The following FANCC variants were observed in gnomAD, a reference collection of about 807,000 sequenced individuals.
FANCC encodes FA complementation group C.
Under a neutral mutation model 71.3 loss-of-function variants are expected in FANCC, and 55 were observed. That is an observed-to-expected ratio of 0.77 (90% CI 0.62 to 0.97). FANCC has a LOEUF of 0.97. Ranked by LOEUF, FANCC falls within the 50% of genes least tolerant of loss-of-function variation. The pLI, the probability that FANCC is intolerant of heterozygous loss-of-function variation, is 0.00. For synonymous variants in FANCC, 275 were observed against 244.9 expected (o/e 1.12, Z -1.15); for missense variants, 678 against 670.9 (o/e 1.01, Z -0.12).
chr9:95,264,246 C>T (rs115424551), intron 1 of FANCC, among the ~76,000 whole-genome samples: 81 of 152,260 alleles, frequency 5.3e-4, no homozygotes, highest in African/African-American at 1.9e-3. Context: ...TTGAAACCCA[C>T]AAACTCACAC....
intron 10 of FANCC, chr9:95,123,825 G>A (rs1299139996): frequency 1.5e-6 from 1 of 674,488 alleles, no homozygotes; most frequent in Non-Finnish European, 2.8e-6. Context: ...CTCCAATTTA[G>A]ACCTGCGGAT....
intron 3 of FANCC, among the ~76,000 whole-genome samples, chr9:95,242,725 C>G (rs1386382547): frequency 6.6e-6 from 1 of 152,158 alleles, no homozygotes; most frequent in Non-Finnish European, 1.5e-5. Flanking sequence ...TGCCCAGAGT[C>G]AATGCACTGA....
chr9:95,101,683 G>A lies in FANCC; in HGVS notation c.*24C>T, dbSNP rs774109877. On this transcript the variant is annotated 3_prime_UTR_variant, in exon 15 of 15. Coordinates refer to ENST00000289081, the MANE Select transcript of FANCC (RefSeq NM_000136.3). ...TGGCGAGCCTGATCCCTCACGCCGGGCACCCACACGGCCTGCGTGCCTTCT... is the reference window on the plus strand; with the variant it reads ...TGGCGAGCCTGATCCCTCACGCCGGACACCCACACGGCCTGCGTGCCTTCT... 2.0e-5 allele frequency: 33 copies of A among 1,612,720 alleles called. 1 individual carries two copies. In the South Asian group the frequency reaches 3.4e-4, roughly 17 times the overall value.
At chr9:95,221,148 G>A (rs1010603665) in intron 4 of FANCC, among the ~76,000 whole-genome samples, 9 of 152,140 alleles carry the variant, frequency 5.9e-5, no homozygotes, top group South Asian at 4.2e-4. Context: ...CAGGGGAATC[G>A]CTTGAACCCG....
intron 6 of FANCC, among the ~76,000 whole-genome samples, chr9:95,168,409 G>A (rs1825445185): frequency 6.6e-6 from 1 of 152,168 alleles, no homozygotes; most frequent in African/African-American, 2.4e-5. Flanking sequence ...ATGGCCCCAA[G>A]GCATCAAAAG....
At position 95,249,834 on chromosome 9, in the gene FANCC, T is replaced by C. The variant is rs560918726; in HGVS notation, c.-78-465A>G. 2.0e-4 allele frequency among the ~76,000 whole-genome samples: 30 copies of C among 152,356 alleles called. No homozygotes were observed. In the East Asian group the frequency reaches 5.8e-3, roughly 29 times the overall value. ...TCTCATTTAGGTGTAAAAAAATCTC[T>C]ATGCATTACTGTCTAACGAATTTTT... On this transcript the variant is annotated intron_variant, in intron 1 of 14. Transcript: ENST00000289081.
chr9:95,182,736 A>G (rs1032240243), intron 4 of FANCC, among the ~76,000 whole-genome samples: 1 of 152,056 alleles, frequency 6.6e-6, no homozygotes, highest in Non-Finnish European at 1.5e-5. Context: ...GGAACAGAGC[A>G]AGGAGAGATG....
chr9:95,199,534 G>A (rs1443879066), intron 4 of FANCC, among the ~76,000 whole-genome samples: 1 of 152,158 alleles, frequency 6.6e-6, no homozygotes, highest in Non-Finnish European at 1.5e-5. Flanking sequence ...CTCCCAGGGC[G>A]TGGTCTCTCG....
intron 4 of FANCC, among the ~76,000 whole-genome samples, chr9:95,210,829 G>A (rs376744092): frequency 1.3e-5 from 2 of 152,156 alleles, no homozygotes; most frequent in Admixed American, 1.3e-4. Context: ...TTACAGAATG[G>A]AGACTCTGAA....
intron 1 of FANCC, among the ~76,000 whole-genome samples, chr9:95,315,182 T>A (rs1835665372): frequency 6.6e-6 from 1 of 152,218 alleles, no homozygotes; most frequent in South Asian, 2.1e-4. Flanking sequence ...GTAAAACCAT[T>A]GCCTGCTAGC....
chr9:95,222,013 T>C (rs1302283775), intron 4 of FANCC, among the ~76,000 whole-genome samples: 1 of 151,940 alleles, frequency 6.6e-6, no homozygotes, highest in Non-Finnish European at 1.5e-5. Context: ...AATGAAAATG[T>C]ATGACTATAT....
chr9:95,186,014 T>A (rs1415608707), intron 4 of FANCC, among the ~76,000 whole-genome samples: 1 of 152,158 alleles, frequency 6.6e-6, no homozygotes, highest in African/African-American at 2.4e-5. Context: ...TTCAGCACTT[T>A]TTTGTTTTTG....
intron 4 of FANCC, among the ~76,000 whole-genome samples, chr9:95,203,720 A>C (rs1224447761): frequency 6.6e-6 from 1 of 152,180 alleles, no homozygotes; most frequent in Non-Finnish European, 1.5e-5. Flanking sequence ...ATTTATGAAA[A>C]AATATGTTTT....
chr9:95,117,407 A>C lies in FANCC; in HGVS notation c.997-17T>G, dbSNP rs1430830945. 6.2e-7 allele frequency: 1 copy of C among 1,609,406 alleles called. No homozygotes were observed. The highest frequency in any genetic ancestry group is 8.5e-7 in the Non-Finnish European group (1 of 1,176,672). Reference sequence around the variant, plus strand: ...AAACCGCAGCTGCCACAGGATGGAAAATCCAAAGAGCATGAACATTAAGAT... The same window carrying C: ...AAACCGCAGCTGCCACAGGATGGAACATCCAAAGAGCATGAACATTAAGAT... On this transcript the variant is annotated splice_polypyrimidine_tract_variant and intron_variant, in intron 10 of 14. Coordinates refer to ENST00000289081, the MANE Select transcript of FANCC (RefSeq NM_000136.3).
At chr9:95,222,839 T>A (rs1230939486) in intron 4 of FANCC, among the ~76,000 whole-genome samples, 1 of 152,234 alleles carries the variant, frequency 6.6e-6, no homozygotes, top group African/African-American at 2.4e-5. Flanking sequence ...ACAACTGTTA[T>A]CATTTTGTAT....
At chr9:95,162,418 G>C (rs1830804853) in intron 6 of FANCC, among the ~76,000 whole-genome samples, 1 of 152,084 alleles carries the variant, frequency 6.6e-6, no homozygotes, top group African/African-American at 2.4e-5. Flanking sequence ...AATGAACATG[G>C]GTGTGCAAAT....
chr9:95,292,636 T>A, intron 1 of FANCC: 1 of 1,408,880 alleles, frequency 7.1e-7, no homozygotes, highest in Non-Finnish European at 1.0e-6. Context: ...AGCCCCGCGC[T>A]CAACATGCAC....
chr9:95,238,600 C>T (rs1423992294), intron 4 of FANCC, among the ~76,000 whole-genome samples: 2 of 151,572 alleles, frequency 1.3e-5, no homozygotes, highest in Non-Finnish European at 1.5e-5. Context: ...GAGTCTCGCT[C>T]TGTCACCCAG....
intron 1 of FANCC, among the ~76,000 whole-genome samples, chr9:95,279,398 G>A (rs1429080029): frequency 6.6e-6 from 1 of 151,616 alleles, no homozygotes; most frequent in Admixed American, 6.6e-5. Context: ...CCAGTTTCAT[G>A]GGCAGCAAAG....
Sources: gnomAD v4.1 joint callset for allele counts (sites outside exome capture counted in the v4.1 genomes callset) on GRCh38, gnomAD v4.1.1 for gene constraint, MANE v1.5 for transcripts, NCBI Gene and HGNC (gene_info 2026-07-23, HGNC 2026-07-21) for gene names.